The following FSHR variants were observed in gnomAD, a reference collection of about 807,000 sequenced individuals.
The protein encoded by FSHR is follicle-stimulating hormone receptor.
Under a neutral mutation model 52.1 loss-of-function variants are expected in FSHR, and 46 were observed. The ratio of observed to expected loss-of-function variants is 0.88; its 90% CI spans 0.70 to 1.13. The LOEUF (loss-of-function observed/expected upper bound fraction) is 1.13, where lower values mean the gene tolerates loss of function less well. Among genes scored for constraint, FSHR ranks in the 50% most tolerant of loss-of-function variants. FSHR has a pLI of 0.00. For synonymous variants in FSHR, 399 were observed against 309.6 expected (o/e 1.29, Z -3.03); for missense variants, 964 against 834.6 (o/e 1.16, Z -1.91).
At position 49,070,778 on chromosome 2, in the gene FSHR, C is replaced by G. The variant is rs541097098; in HGVS notation, c.153-2488G>C. On this transcript the variant is annotated intron_variant, in intron 1 of 9. Transcript: ENST00000406846. ...TAAAATCTTCACTGACCTCTATTTCCTGAAATGTTATAAACAAGATAATCT... is the reference window on the plus strand; with the variant it reads ...TAAAATCTTCACTGACCTCTATTTCGTGAAATGTTATAAACAAGATAATCT... Among the ~76,000 whole-genome samples the G allele has an allele frequency of 1.7e-3, 266 of 152,178 alleles. 1 individual carries two copies. Among genetic ancestry groups the G allele is most frequent in the African/African-American group, 6.1e-3 (254 of 41,538 alleles).
chr2:49,120,688 A>G (rs1314623664), intron 1 of FSHR, among the ~76,000 whole-genome samples: 1 of 144,754 alleles, frequency 6.9e-6, no homozygotes, highest in African/African-American at 2.5e-5. Flanking sequence ...TATCATACCA[A>G]TTATACTTTG....
intron 4 of FSHR, among the ~76,000 whole-genome samples, chr2:48,999,707 G>A (rs2349414): frequency 6.6e-6 from 1 of 152,056 alleles, no homozygotes; most frequent in African/African-American, 2.4e-5. Context: ...ATACGTTTAG[G>A]GAATGCTGGG....
intron 5 of FSHR, among the ~76,000 whole-genome samples, chr2:48,990,218 T>G (rs1387221513): frequency 1.3e-5 from 2 of 152,088 alleles, no homozygotes; most frequent in Non-Finnish European, 2.9e-5. Context: ...ATAGCAATTC[T>G]AGAAAGAAGA....
At chr2:49,053,426 C>A (rs981332571) in intron 2 of FSHR, among the ~76,000 whole-genome samples, 6 of 152,166 alleles carry the variant, frequency 3.9e-5, no homozygotes, top group African/African-American at 1.4e-4. Flanking sequence ...CACCTACTCC[C>A]CCCACCCTAT....
At chr2:49,074,577 C>CT (rs1669876988) in intron 1 of FSHR, among the ~76,000 whole-genome samples, 1 of 152,024 alleles carries the variant, frequency 6.6e-6, no homozygotes, top group Non-Finnish European at 1.5e-5. Context: ...GGAAAATAAA[C>CT]TAGTACAGAC....
chr2:49,063,380 G>A (rs1394623613), intron 2 of FSHR, among the ~76,000 whole-genome samples: 3 of 151,436 alleles, frequency 2.0e-5, no homozygotes, highest in South Asian at 2.1e-4. Flanking sequence ...AAATAGCCAA[G>A]GTATAGAACC....
At chr2:48,985,122 CG>C (rs1675433351) in intron 6 of FSHR, among the ~76,000 whole-genome samples, 1 of 152,020 alleles carries the variant, frequency 6.6e-6, no homozygotes, top group Non-Finnish European at 1.5e-5. Context: ...ACGATGATGA[CG>C]ATGATGACGA....
chr2:49,011,169 G>T (rs1209995609), intron 4 of FSHR, among the ~76,000 whole-genome samples: 3 of 150,782 alleles, frequency 2.0e-5, no homozygotes, highest in Admixed American at 6.6e-5. Flanking sequence ...GGCATTTAGT[G>T]CTATAAATTT....
intron 1 of FSHR, among the ~76,000 whole-genome samples, chr2:49,125,585 G>C (rs534690568): frequency 1.3e-5 from 2 of 152,166 alleles, no homozygotes; most frequent in African/African-American, 2.4e-5. Flanking sequence ...GCACTGTCTC[G>C]CACACAGTAG....
intron 4 of FSHR, among the ~76,000 whole-genome samples, chr2:49,008,331 A>C (rs10439473): frequency 0.72 from 97,767 of 135,130 alleles, 35,849 homozygotes; most frequent in Admixed American, 0.79. Flanking sequence ...CCAATTTCAT[A>C]CATGTCCCTA....
intron 2 of FSHR, among the ~76,000 whole-genome samples, chr2:49,044,776 C>T (rs1668597511): frequency 6.6e-6 from 1 of 152,186 alleles, no homozygotes; most frequent in South Asian, 2.1e-4. Context: ...CACTTTCCCT[C>T]TGACTTTTGC....
In FSHR at chr2:49,097,743, G is replaced by GT. The variant is rs1670879458; in HGVS notation, c.153-29454_153-29453insA. 2.0e-5 allele frequency among the ~76,000 whole-genome samples: 3 copies of GT among 152,114 alleles called. No individual in the cohort carries two copies. The South Asian group carries it at 6.2e-4, about 32-fold the overall frequency. ...GAAGTTTAACATCGGTCCTGAAGGGGAAAGGAAAGAAGGAAACTAGAAAAG... is the reference window on the plus strand; with the variant it reads ...GAAGTTTAACATCGGTCCTGAAGGGGTAAAGGAAAGAAGGAAACTAGAAAAG... On this transcript the variant is annotated intron_variant, in intron 1 of 9. Coordinates refer to ENST00000406846, the MANE Select transcript of FSHR (RefSeq NM_000145.4).
At chr2:49,019,981 G>A (rs1329815043) in intron 3 of FSHR, 105 bp downstream of exon 3, 1 of 939,590 alleles carries the variant, frequency 1.1e-6, no homozygotes, top group Non-Finnish European at 1.8e-6. Flanking sequence ...TGACAATCTA[G>A]GGATCTGAGG....
At chr2:49,028,639 T>C (rs190030948) in intron 2 of FSHR, among the ~76,000 whole-genome samples, 9 of 152,344 alleles carry the variant, frequency 5.9e-5, no homozygotes, top group Admixed American at 5.2e-4. Context: ...TTACTGTTAG[T>C]TGTAGCATTG....
intron 8 of FSHR, among the ~76,000 whole-genome samples, chr2:48,971,103 C>T (rs897239495): frequency 6.6e-6 from 1 of 152,170 alleles, no homozygotes; most frequent in African/African-American, 2.4e-5. Flanking sequence ...CCCCATTGCT[C>T]TTAGGATGAA....
rs542095308 is a variant in FSHR at position 49,067,599 on chromosome 2, G to A, written c.224+620C>T. Among the ~76,000 whole-genome samples, 15 of 152,184 alleles carry A rather than the reference G, an allele frequency of 9.9e-5. 1 individual carries two copies. The highest frequency in any genetic ancestry group is 9.2e-4 in the Admixed American group (14 of 15,256). ...GGGAGGGAGGATTACTTTAAGTATA[G>A]GAGGATTTGCTCTTTTACTATTGCA... On this transcript the variant is annotated intron_variant, in intron 2 of 9. Transcript: ENST00000406846.
rs201226679 is a variant in FSHR at position 48,977,545 on chromosome 2, A to AC, written c.668+5366dup. The stretch of plus-strand genomic sequence containing the variant: ...AGGATGACAGAGGCTGTCTCCTCCC[A>AC]CACTATCACTTCACGTGTTAAAAGT... On this transcript the variant is annotated intron_variant, in intron 8 of 9. Coordinates refer to ENST00000406846, the MANE Select transcript of FSHR (RefSeq NM_000145.4). 7.2e-3 allele frequency among the ~76,000 whole-genome samples: 1,104 copies of AC among 152,284 alleles called. 15 individuals are homozygous for AC. Among genetic ancestry groups the AC allele is most frequent in the South Asian group, 0.036 (172 of 4,814 alleles).
intron 2 of FSHR, among the ~76,000 whole-genome samples, chr2:49,047,272 G>T (rs547745174): frequency 4.5e-4 from 69 of 152,264 alleles, no homozygotes; most frequent in Admixed American, 1.2e-3. Context: ...CATGTGGAGA[G>T]AAGCAGAAAA....
At chr2:49,091,153 T>C (rs1366298346) in intron 1 of FSHR, among the ~76,000 whole-genome samples, 1 of 152,042 alleles carries the variant, frequency 6.6e-6, no homozygotes, top group African/African-American at 2.4e-5. Flanking sequence ...TAATGGATTG[T>C]GTTTTTGATG....
Sources: allele counts gnomAD v4.1 joint callset (sites outside exome capture counted in the v4.1 genomes callset), GRCh38; gene constraint gnomAD v4.1.1; transcripts MANE v1.5; gene names NCBI Gene and HGNC (gene_info 2026-07-23, HGNC 2026-07-21).